WDR49: variants seen among roughly 807,000 people sequenced by gnomAD.
The protein encoded by WDR49 is WD repeat domain 49, also known as cilia- and flagella-associated protein 337.
Under a neutral mutation model 119.5 loss-of-function variants are expected in WDR49, and 107 were observed. The ratio of observed to expected loss-of-function variants is 0.90; its 90% CI spans 0.77 to 1.05. The LOEUF (loss-of-function observed/expected upper bound fraction) is 1.05. Ranked by LOEUF, WDR49 falls within the 50% of genes least tolerant of loss-of-function variation. The pLI is 0.00. For synonymous variants in WDR49, 425 were observed against 418.8 expected, an observed-to-expected ratio of 1.01 and a Z score of -0.18; for missense variants, 1,240 against 1,220.5, an observed-to-expected ratio of 1.02 and a Z score of -0.24.
At chr3:167,487,346 AC>A (rs1750965426) in intron 18 of WDR49, among the ~76,000 whole-genome samples, 1 of 152,152 alleles carries the variant, frequency 6.6e-6, no homozygotes, top group African/African-American at 2.4e-5. Context: ...TTGAAACTGG[AC>A]CCTTATCTTT....
intron 2 of WDR49, among the ~76,000 whole-genome samples, chr3:167,645,905 T>C (rs766323172): frequency 2.8e-4 from 43 of 152,156 alleles, no homozygotes; most frequent in Non-Finnish European, 5.3e-4. Context: ...TAGGAAGCTA[T>C]GAGAAGAGAA....
chr3:167,529,863 C>G (rs1026096303), intron 13 of WDR49, among the ~76,000 whole-genome samples: 1 of 151,994 alleles, frequency 6.6e-6, no homozygotes, highest in African/African-American at 2.4e-5. Flanking sequence ...AGCACTTTAC[C>G]TAAGTTATTC....
At chr3:167,635,132 A>T (rs1026830413) in intron 2 of WDR49, among the ~76,000 whole-genome samples, 12 of 151,836 alleles carry the variant, frequency 7.9e-5, no homozygotes, top group African/African-American at 2.2e-4. Context: ...AGCAACATAT[A>T]TATATTCCTA....
At chr3:167,559,151 C>T (rs189900386) in intron 9 of WDR49, among the ~76,000 whole-genome samples, 6 of 152,224 alleles carry the variant, frequency 3.9e-5, no homozygotes, top group Admixed American at 2.6e-4. Context: ...CTGTAATCTC[C>T]CTGAATACCT....
At chr3:167,632,749 C>G (rs1384298731) in intron 2 of WDR49, among the ~76,000 whole-genome samples, 3 of 151,922 alleles carry the variant, frequency 2.0e-5, no homozygotes, top group African/African-American at 7.2e-5. Flanking sequence ...TCAGTGACTC[C>G]CACCCTCTGG....
At chr3:167,521,055 A>G (rs1168002843) in intron 16 of WDR49, among the ~76,000 whole-genome samples, 1 of 152,118 alleles carries the variant, frequency 6.6e-6, no homozygotes, top group Non-Finnish European at 1.5e-5. Context: ...GAAGAAGTCT[A>G]CAGGCAAAAA....
intron 5 of WDR49, among the ~76,000 whole-genome samples, chr3:167,606,974 G>A (rs1332642564): frequency 6.6e-6 from 1 of 152,126 alleles, no homozygotes; most frequent in Non-Finnish European, 1.5e-5. Context: ...GTTCTATGAC[G>A]CAGGGACAGC....
intron 5 of WDR49, among the ~76,000 whole-genome samples, chr3:167,614,107 C>T (rs143399646): frequency 1.4e-3 from 209 of 152,232 alleles, no homozygotes; most frequent in African/African-American, 4.7e-3. Flanking sequence ...CCCCCTCCTG[C>T]GTCCCGCGAT....
At chr3:167,592,499 A>T (rs1217987166) in intron 7 of WDR49, among the ~76,000 whole-genome samples, 1 of 148,332 alleles carries the variant, frequency 6.7e-6, no homozygotes, top group Non-Finnish European at 1.5e-5. Context: ...CAATAGCACC[A>T]TCTCAGCTCA....
intron 7 of WDR49, among the ~76,000 whole-genome samples, chr3:167,593,946 A>G (rs1036464460): frequency 1.3e-5 from 2 of 152,130 alleles, no homozygotes; most frequent in African/African-American, 2.4e-5. Context: ...CTCTCCTGCT[A>G]CCATGTAAGA....
chr3:167,500,293 A>G lies in WDR49; in HGVS notation c.2891T>C (p.Phe964Ser). The change falls in exon 18 of 19, where the codon TTT becomes TCT. Residue 964 changes from phenylalanine (F) to serine (S), a missense_variant. Transcript: ENST00000682715. ...GEVIKKSFST[F>S]RSLNIGALEE... Reference sequence around the variant, plus strand: ...CAGGGCTCCAATGTTTAATGACCTAAATGTACCTTCACAACAGCAGGTTTT... The same window carrying G: ...CAGGGCTCCAATGTTTAATGACCTAGATGTACCTTCACAACAGCAGGTTTT... 1 of 1,605,618 alleles carries G rather than the reference A, an allele frequency of 6.2e-7. No individual in the cohort carries two copies. Among genetic ancestry groups the G allele is most frequent in the Non-Finnish European group, 8.5e-7 (1 of 1,177,322 alleles).
chr3:167,523,379 A>G (rs1431917387), intron 15 of WDR49, among the ~76,000 whole-genome samples: 1 of 137,958 alleles, frequency 7.2e-6, no homozygotes, highest in Non-Finnish European at 1.6e-5. Context: ...AATGACATAC[A>G]TTCTTTTTTT....
intron 9 of WDR49, among the ~76,000 whole-genome samples, chr3:167,559,014 T>C (rs1054691704): frequency 3.9e-5 from 6 of 152,222 alleles, no homozygotes; most frequent in Non-Finnish European, 7.3e-5. Context: ...TAGATTACTT[T>C]ACTTAAACCC....
At chr3:167,491,428 C>T (rs1751129618) in intron 18 of WDR49, among the ~76,000 whole-genome samples, 1 of 152,100 alleles carries the variant, frequency 6.6e-6, no homozygotes, top group Non-Finnish European at 1.5e-5. Flanking sequence ...CTCTTTCCTT[C>T]CTCTTGAGTC....
At chr3:167,484,563 C>T (rs1750851709) in intron 18 of WDR49, among the ~76,000 whole-genome samples, 1 of 152,006 alleles carries the variant, frequency 6.6e-6, no homozygotes, top group South Asian at 2.1e-4. Context: ...CTTGCTCACT[C>T]AGCCCAACAA....
chr3:167,645,171 G>C (rs1718058282), intron 2 of WDR49, among the ~76,000 whole-genome samples: 1 of 151,692 alleles, frequency 6.6e-6, no homozygotes, highest in Non-Finnish European at 1.5e-5. Flanking sequence ...TTTACCATGA[G>C]AATAATGTTA....
chr3:167,500,690 T>C (rs1185696763), intron 17 of WDR49, among the ~76,000 whole-genome samples: 3 of 152,218 alleles, frequency 2.0e-5, no homozygotes, highest in Non-Finnish European at 4.4e-5. Context: ...ATCTAAAATT[T>C]TGAATTGGCA....
chr3:167,533,172 A>G (rs1251550879), intron 11 of WDR49, among the ~76,000 whole-genome samples, 195 bp from the exon 12 acceptor site: 5 of 152,154 alleles, frequency 3.3e-5, no homozygotes, highest in Non-Finnish European at 7.4e-5. Flanking sequence ...TCCCCACAGT[A>G]TAACCTGAGC....
chr3:167,515,409 C>T lies in WDR49; in HGVS notation c.2774+6906G>A, dbSNP rs548914811. ...AACCACATGATTACCTCAATAGGTA[C>T]AGAAAATGCCTGCTATACAATTCAA... On this transcript the variant is annotated intron_variant, in intron 16 of 18. Coordinates refer to ENST00000682715, the MANE Select transcript of WDR49 (RefSeq NM_001366157.1). Among the ~76,000 whole-genome samples, 19 of 152,266 alleles carry T rather than the reference C, an allele frequency of 1.2e-4. No individual in the cohort carries two copies. In the East Asian group the frequency reaches 3.7e-3, roughly 29 times the overall value.
Sources: gnomAD v4.1 joint callset for allele counts (sites outside exome capture counted in the v4.1 genomes callset) on GRCh38, gnomAD v4.1.1 for gene constraint, MANE v1.5 for transcripts, NCBI Gene and HGNC (gene_info 2026-07-23, HGNC 2026-07-21) for gene names.